GRID1: variants seen among roughly 807,000 people sequenced by gnomAD.
GRID1 encodes glutamate receptor ionotropic, delta-1.
GRID1 carries 28 observed loss-of-function variants against 98.0 expected under a neutral mutation model. The observed-to-expected ratio is 0.29, with a 90% confidence interval of 0.21 to 0.39. GRID1 has a LOEUF of 0.39. Among genes scored for constraint, GRID1 ranks in the 10% least tolerant of loss-of-function variants. The probability of loss-of-function intolerance (pLI) is 1.00; values close to 1 mark genes in which losing one functional copy is unlikely to be tolerated. For missense variants in GRID1, 1,111 were observed against 1,340.5 expected, an observed-to-expected ratio of 0.83 and a Z score of 2.67; for synonymous variants, 553 against 538.5, an observed-to-expected ratio of 1.03 and a Z score of -0.37.
intron 15 of GRID1, chr10:85,607,068 T>C (rs1467155456): frequency 6.6e-6 from 1 of 152,230 alleles, no homozygotes; most frequent in Non-Finnish European, 1.5e-5. Context: ...AGCTCTGCGT[T>C]TCTCATCCCA....
At chr10:85,746,614 A>C (rs954004207) in intron 8 of GRID1, among the ~76,000 whole-genome samples, 1 of 152,080 alleles carries the variant, frequency 6.6e-6, no homozygotes, top group Non-Finnish European at 1.5e-5. Flanking sequence ...ACAGCTTGAG[A>C]TCAGCATGCT....
At chr10:86,031,803 A>G (rs563363720) in intron 4 of GRID1, among the ~76,000 whole-genome samples, 1 of 152,318 alleles carries the variant, frequency 6.6e-6, no homozygotes, top group Admixed American at 6.5e-5. Context: ...ATTTCTTTAC[A>G]AAGTCCCACA....
chr10:85,897,970 T>A (rs1159833130), intron 5 of GRID1, among the ~76,000 whole-genome samples: 2 of 152,132 alleles, frequency 1.3e-5, no homozygotes, highest in Non-Finnish European at 2.9e-5. Context: ...CAGTCACACA[T>A]TGCTTAATGA....
chr10:85,981,746 G>A (rs12782258), intron 4 of GRID1, among the ~76,000 whole-genome samples: 11,091 of 152,220 alleles, frequency 0.073, 447 homozygotes, highest in Non-Finnish European at 0.094. Flanking sequence ...ACTATGTGTC[G>A]GATGCTGTTG....
chr10:85,929,143 G>A (rs1841815206), intron 4 of GRID1, among the ~76,000 whole-genome samples: 2 of 152,168 alleles, frequency 1.3e-5, no homozygotes, highest in Admixed American at 6.5e-5. Context: ...GTCCCACATT[G>A]GGGTGTGTGA....
At position 86,366,023 on chromosome 10, in the gene GRID1, C is replaced by G. The variant is rs1354772177; in HGVS notation, c.79+291G>C. On this transcript the variant is annotated intron_variant, in intron 1 of 15. Coordinates refer to ENST00000327946, the MANE Select transcript of GRID1 (RefSeq NM_017551.3). This position sits in a 1 kb window ranked among gnomAD's most constrained non-coding sequence, Gnocchi z 4.1. ...CCCGCCGACGGCCCCGCTAAGGGCG[C>G]GGGTCTCGACGCGCGTCCATCCCGG... 6.6e-6 allele frequency among the ~76,000 whole-genome samples: 1 copy of G among 152,068 alleles called. No individual in the cohort carries two copies.
At chr10:86,320,209 T>C (rs1238450110) in intron 2 of GRID1, among the ~76,000 whole-genome samples, 4 of 152,234 alleles carry the variant, frequency 2.6e-5, no homozygotes, top group Non-Finnish European at 4.4e-5. Flanking sequence ...GATGAATCAC[T>C]AAGCGAATGA....
intron 12 of GRID1, among the ~76,000 whole-genome samples, chr10:85,653,779 C>T (rs565225090): frequency 5.3e-5 from 8 of 152,234 alleles, no homozygotes; most frequent in South Asian, 2.1e-4. Flanking sequence ...AGCTGGGATG[C>T]GAGTAGGCTT....
At chr10:85,660,123 A>G (rs922573203) in intron 12 of GRID1, among the ~76,000 whole-genome samples, 10 of 152,218 alleles carry the variant, frequency 6.6e-5, no homozygotes, top group African/African-American at 2.4e-4. Flanking sequence ...CACATGCCAC[A>G]TAACTTTCAC....
intron 3 of GRID1, among the ~76,000 whole-genome samples, chr10:86,201,714 CT>C (rs1158355100): frequency 6.7e-6 from 1 of 148,612 alleles, no homozygotes; most frequent in African/African-American, 2.5e-5. Flanking sequence ...AAAAAAGACA[CT>C]GGCTTGGGAT....
At chr10:86,280,868 A>G (rs1448307028) in intron 2 of GRID1, among the ~76,000 whole-genome samples, 1 of 151,950 alleles carries the variant, frequency 6.6e-6, no homozygotes, top group African/African-American at 2.4e-5. Flanking sequence ...TTTATAGCTC[A>G]TTCTCCAGCC....
At chr10:85,958,869 A>G (rs1045884255) in intron 4 of GRID1, among the ~76,000 whole-genome samples, 10 of 151,854 alleles carry the variant, frequency 6.6e-5, no homozygotes, top group Non-Finnish European at 5.9e-5. Flanking sequence ...AGGCAGGAGA[A>G]TCACTTGAAC....
At chr10:85,882,702 A>G (rs1841051180) in intron 5 of GRID1, among the ~76,000 whole-genome samples, 1 of 152,200 alleles carries the variant, frequency 6.6e-6, no homozygotes, top group African/African-American at 2.4e-5. Flanking sequence ...CAGCACACCA[A>G]CATGGCACAT....
intron 5 of GRID1, among the ~76,000 whole-genome samples, chr10:85,878,451 G>C (rs1350221160): frequency 1.3e-5 from 2 of 152,208 alleles, no homozygotes; most frequent in East Asian, 3.8e-4. Context: ...CCAGAAGAGA[G>C]TGGGGGCCAA....
At chr10:86,265,894 G>A (rs1847095900) in intron 2 of GRID1, among the ~76,000 whole-genome samples, 1 of 152,130 alleles carries the variant, frequency 6.6e-6, no homozygotes, top group Non-Finnish European at 1.5e-5. Context: ...TCGCTGATCA[G>A]CAGCCCAGCC....
At chr10:85,877,206 T>C (rs997742768) in intron 5 of GRID1, among the ~76,000 whole-genome samples, 2 of 152,214 alleles carry the variant, frequency 1.3e-5, no homozygotes, top group Non-Finnish European at 2.9e-5. Flanking sequence ...AACACAGCAG[T>C]AACCTCTGCA....
chr10:86,274,174 T>C (rs534526047), intron 2 of GRID1, among the ~76,000 whole-genome samples: 473 of 152,332 alleles, frequency 3.1e-3, no homozygotes, highest in Non-Finnish European at 5.2e-3. Flanking sequence ...TAGGGAATCC[T>C]TTCCCCATTG....
intron 4 of GRID1, among the ~76,000 whole-genome samples, chr10:85,975,468 T>C (rs1842460645): frequency 6.6e-6 from 1 of 152,208 alleles, no homozygotes; most frequent in South Asian, 2.1e-4. Context: ...ATTGTCCTAA[T>C]TGGATCCTCT....
intron 3 of GRID1, among the ~76,000 whole-genome samples, chr10:86,176,133 G>A (rs1039871959): frequency 6.6e-6 from 1 of 152,256 alleles, no homozygotes; most frequent in Non-Finnish European, 1.5e-5. Context: ...GTCAGCTGCT[G>A]CGCCCAGCCA....
Sources: allele counts gnomAD v4.1 joint callset (sites outside exome capture counted in the v4.1 genomes callset), GRCh38; gene constraint gnomAD v4.1.1; non-coding constraint Gnocchi (gnomAD v3.1); transcripts MANE v1.5; gene names NCBI Gene and HGNC (gene_info 2026-07-23, HGNC 2026-07-21).